Variants in NEDD4L observed in about 807,000 individuals in gnomAD.
The protein encoded by NEDD4L is E3 ubiquitin-protein ligase NEDD4-like.
A neutral mutation model predicts 148.9 loss-of-function variants in NEDD4L; 54 were observed. The observed-to-expected ratio is 0.36, with a 90% CI of 0.29 to 0.45. The LOEUF (loss-of-function observed/expected upper bound fraction) is 0.45, where lower values mean the gene tolerates loss of function less well. Ranked by LOEUF, NEDD4L falls within the 20% of genes least tolerant of loss-of-function variation. The pLI, the probability that NEDD4L is intolerant of heterozygous loss-of-function variation, is 1.00. For synonymous variants in NEDD4L, 433 were observed against 440.7 expected (o/e 0.98, Z 0.22); for missense variants, 856 against 1,233.8 (o/e 0.69, Z 4.59).
intron 1 of NEDD4L, among the ~76,000 whole-genome samples, chr18:58,136,247 C>T (rs923602810): frequency 6.6e-6 from 1 of 152,156 alleles, no homozygotes; most frequent in Non-Finnish European, 1.5e-5. Context: ...ATTGTTCACC[C>T]TGAGCCGAGA....
intron 2 of NEDD4L, among the ~76,000 whole-genome samples, chr18:58,184,647 G>A (rs1230055491): frequency 3.3e-5 from 5 of 152,134 alleles, no homozygotes; most frequent in African/African-American, 1.2e-4. Flanking sequence ...GTGTTCTCCT[G>A]TCTGGGCGTG....
In NEDD4L at chr18:58,399,660, G is replaced by A. The variant is rs919971331; in HGVS notation, c.*3391G>A. On this transcript the variant is annotated 3_prime_UTR_variant, in exon 31 of 31. Coordinates refer to ENST00000400345, the MANE Select transcript of NEDD4L (RefSeq NM_001144967.3). The stretch of plus-strand genomic sequence containing the variant: ...CCACCACCACGCCTGGCTAATTTTT[G>A]TATTTTTAGTAGAGATGGTTTCACC... 4 of 152,182 alleles carry A rather than the reference G, an allele frequency of 2.6e-5. No individual in the cohort carries two copies. Among genetic ancestry groups the A allele is most frequent in the Admixed American group, 2.6e-4 (4 of 15,268 alleles). The allele number at this position is 152,182 out of a possible 1,614,324, so 9.4% of individuals were successfully genotyped here.
chr18:58,135,924 A>AT (rs1331535392), intron 1 of NEDD4L, among the ~76,000 whole-genome samples: 1 of 152,148 alleles, frequency 6.6e-6, no homozygotes, highest in Non-Finnish European at 1.5e-5. Flanking sequence ...TTGCTCATTG[A>AT]TGGCCATACC....
intron 2 of NEDD4L, among the ~76,000 whole-genome samples, chr18:58,198,893 C>G (rs1245054070): frequency 6.6e-6 from 1 of 152,166 alleles, no homozygotes; most frequent in African/African-American, 2.4e-5. Context: ...CAACCTCTAC[C>G]TCCCAGGTTC....
chr18:58,071,043 C>CACAA (rs1366451497), intron 1 of NEDD4L, among the ~76,000 whole-genome samples: 2 of 151,478 alleles, frequency 1.3e-5, no homozygotes, highest in Non-Finnish European at 3.0e-5. Flanking sequence ...TAAAAAAACA[C>CACAA]ACACACACAC....
intron 5 of NEDD4L, among the ~76,000 whole-genome samples, chr18:58,301,838 C>T (rs1463685584): frequency 6.6e-6 from 1 of 152,180 alleles, no homozygotes; most frequent in East Asian, 1.9e-4. Flanking sequence ...TGCCCAGGCC[C>T]CAAGCCCAGC....
intron 2 of NEDD4L, among the ~76,000 whole-genome samples, chr18:58,185,871 C>T (rs967369531): frequency 1.3e-5 from 2 of 150,314 alleles, no homozygotes; most frequent in African/African-American, 4.9e-5. Context: ...AAAACTCTGT[C>T]TCAAAAAAAA....
chr18:58,083,412 G>C (rs1212725617), intron 1 of NEDD4L, among the ~76,000 whole-genome samples: 2 of 152,206 alleles, frequency 1.3e-5, no homozygotes, highest in Non-Finnish European at 2.9e-5. Flanking sequence ...CAGGGGCCGG[G>C]TGCGGTGGCT....
chr18:58,165,952 C>G, intron 2 of NEDD4L, 91 bp downstream of exon 2: 1 of 1,028,078 alleles, frequency 9.7e-7, no homozygotes, highest in Non-Finnish European at 1.5e-6. Flanking sequence ...ACCTGGAGGA[C>G]TTCTTAAGAC....
chr18:58,154,863 T>C (rs1177097493), intron 1 of NEDD4L, among the ~76,000 whole-genome samples: 2 of 152,160 alleles, frequency 1.3e-5, no homozygotes, highest in African/African-American at 4.8e-5. Context: ...ATGTTTCAGA[T>C]ACTATTGTGA....
intron 1 of NEDD4L, among the ~76,000 whole-genome samples, chr18:58,163,961 T>C (rs1599259953): frequency 6.6e-6 from 1 of 152,262 alleles, no homozygotes; most frequent in East Asian, 1.9e-4. Context: ...ACTAAACATG[T>C]TGGGTAAATG....
chr18:58,220,361 ACTG>A lies in NEDD4L; in HGVS notation c.123-25064_123-25062del, dbSNP rs374106442. On this transcript the variant is annotated intron_variant, in intron 2 of 30. Coordinates refer to ENST00000400345, the MANE Select transcript of NEDD4L (RefSeq NM_001144967.3). Reference sequence around the variant, plus strand: ...GCAGAGACTGTAGTGAGATCGTGCCACTGCACTCCAGCCTGGGTGACAGAGTGA... The same window carrying A: ...GCAGAGACTGTAGTGAGATCGTGCCACACTCCAGCCTGGGTGACAGAGTGA... Among the ~76,000 whole-genome samples, 45 of 152,212 alleles carry A rather than the reference ACTG, an allele frequency of 3.0e-4. 1 individual carries two copies. The East Asian group carries it at 8.7e-3, about 29-fold the overall frequency.
At chr18:58,316,122 C>A in intron 6 of NEDD4L, 90 bp downstream of exon 6, 1 of 1,076,830 alleles carries the variant, frequency 9.3e-7, no homozygotes, top group Non-Finnish European at 1.4e-6. Context: ...GGCATTTCTT[C>A]ACCACGGTGA....
chr18:58,135,111 A>G (rs1430728258), intron 1 of NEDD4L, among the ~76,000 whole-genome samples: 1 of 152,060 alleles, frequency 6.6e-6, no homozygotes, highest in Admixed American at 6.5e-5. Flanking sequence ...ATCTCCTTAA[A>G]GGCAAGGGCT....
intron 5 of NEDD4L, among the ~76,000 whole-genome samples, chr18:58,290,683 A>G (rs1343169916): frequency 1.3e-5 from 2 of 152,182 alleles, no homozygotes; most frequent in Non-Finnish European, 2.9e-5. Flanking sequence ...GCTTTGAACA[A>G]AGGATTATTA....
At chr18:58,388,487 T>C (rs1200366882) in intron 27 of NEDD4L, 1 of 152,272 alleles carries the variant, frequency 6.6e-6, no homozygotes, top group Admixed American at 6.5e-5. Context: ...TGCATAAATA[T>C]CTTCCATTTG....
At chr18:58,266,647 C>T (rs946695066) in intron 5 of NEDD4L, among the ~76,000 whole-genome samples, 7 of 152,176 alleles carry the variant, frequency 4.6e-5, no homozygotes, top group African/African-American at 1.4e-4. Flanking sequence ...CCAGGTTCTT[C>T]ATTATGCTGT....
chr18:58,111,985 C>T (rs2085449646), intron 1 of NEDD4L, among the ~76,000 whole-genome samples: 1 of 152,144 alleles, frequency 6.6e-6, no homozygotes, highest in African/African-American at 2.4e-5. Flanking sequence ...TACTGGGTGT[C>T]CCTGTTGTTT....
intron 2 of NEDD4L, among the ~76,000 whole-genome samples, chr18:58,204,725 A>G (rs1482242725): frequency 2.0e-5 from 3 of 152,218 alleles, no homozygotes; most frequent in Non-Finnish European, 4.4e-5. Context: ...TAGATAGTCC[A>G]TCATGTTCTT....
Sources: allele counts gnomAD v4.1 joint callset (sites outside exome capture counted in the v4.1 genomes callset), GRCh38; gene constraint gnomAD v4.1.1; transcripts MANE v1.5; gene names NCBI Gene and HGNC (gene_info 2026-07-23, HGNC 2026-07-21).